The following PPP1R7 variants were observed in gnomAD, a reference collection of about 807,000 sequenced individuals.
PPP1R7 encodes the protein protein phosphatase 1 regulatory subunit 7.
A neutral mutation model predicts 45.2 loss-of-function variants in PPP1R7; 18 were observed. That is an observed-to-expected ratio of 0.40 (90% CI 0.28 to 0.59). The LOEUF (loss-of-function observed/expected upper bound fraction) is 0.59. PPP1R7 is among the 20% of genes least tolerant of loss of function. The pLI is 0.46. For missense variants in PPP1R7, 314 were observed against 455.8 expected (o/e 0.69, Z 2.83); for synonymous variants, 181 against 183.4 (o/e 0.99, Z 0.11).
rs991830916 is a variant in PPP1R7, at chr2:241,183,361, T to C, written c.*538T>C. 2.1e-6 allele frequency: 1 copy of C among 468,446 alleles called. No homozygotes were observed. The highest frequency in any genetic ancestry group is 2.0e-5 in the African/African-American group (1 of 49,894). 29.0% of individuals were successfully genotyped at this position (468,446 alleles called of 1,614,324 possible). A position where few individuals can be genotyped will look rare whatever the true frequency, so the allele number is the denominator to read the frequency against. On this transcript the variant is annotated 3_prime_UTR_variant, in exon 10 of 10. Coordinates refer to ENST00000234038, the MANE Select transcript of PPP1R7 (RefSeq NM_002712.3). ...CTGGGTAAAAGCTGACTCAGCCCTG[T>C]GTGCTTGTGTTCCTTAGAGCTCTCC...
chr2:241,171,300 G>T (rs2067812001), intron 9 of PPP1R7, among the ~76,000 whole-genome samples: 1 of 152,190 alleles, frequency 6.6e-6, no homozygotes, highest in African/African-American at 2.4e-5. Flanking sequence ...GAAGAATCCT[G>T]TTCCTTAGGC....
chr2:241,168,464 C>G (rs2067759030), intron 8 of PPP1R7, among the ~76,000 whole-genome samples: 1 of 152,206 alleles, frequency 6.6e-6, no homozygotes, highest in African/African-American at 2.4e-5. Flanking sequence ...GCTAGAGAGG[C>G]CTGTTCCAGC....
At chr2:241,165,864 T>C (rs1178442985) in intron 7 of PPP1R7, among the ~76,000 whole-genome samples, 1 of 151,910 alleles carries the variant, frequency 6.6e-6, no homozygotes, top group African/African-American at 2.4e-5. Context: ...CCCAAAGTGC[T>C]GGGATTACAG....
intron 3 of PPP1R7, 164 bp from the exon 4 acceptor site, chr2:241,158,320 C>G: frequency 1.6e-6 from 1 of 644,286 alleles, no homozygotes; most frequent in Non-Finnish European, 2.8e-6. Flanking sequence ...CATCACTAAG[C>G]CAAAGAGCCC....
At chr2:241,172,940 G>C (rs180886523) in intron 9 of PPP1R7, among the ~76,000 whole-genome samples, 1 of 150,844 alleles carries the variant, frequency 6.6e-6, no homozygotes, top group Admixed American at 6.6e-5. Flanking sequence ...TCATCCTCTG[G>C]TTTGCATTAT....
chr2:241,182,622 G>T lies in PPP1R7; in HGVS notation c.907-25G>T, dbSNP rs12465895. On this transcript the variant is annotated intron_variant, in intron 9 of 9. Coordinates refer to ENST00000234038, the MANE Select transcript of PPP1R7 (RefSeq NM_002712.3). ...AGGGCTGGGCTGTTTGGTTCTAAAG[G>T]CTTTTCTGCTGTGTGTGTCCCCAGA... 7.0e-4 allele frequency: 1,124 copies of T among 1,612,666 alleles called. 6 individuals are homozygous for T. In the African/African-American group the frequency reaches 0.013, roughly 19 times the overall value.
In PPP1R7 at chr2:241,183,023, T is replaced by C. The variant is rs2149075582; in HGVS notation, c.*200T>C. Reference sequence around the variant, plus strand: ...GTTGCAATTAAATCTTGCCACACTGTCCTCCTGGGTGATTGTTGACAGTTA... The same window carrying C: ...GTTGCAATTAAATCTTGCCACACTGCCCTCCTGGGTGATTGTTGACAGTTA... On this transcript the variant is annotated 3_prime_UTR_variant, in exon 10 of 10. Coordinates refer to ENST00000234038, the MANE Select transcript of PPP1R7 (RefSeq NM_002712.3). The C allele has an allele frequency of 3.3e-6, 2 of 606,232 alleles. No individual in the cohort carries two copies. The highest frequency in any genetic ancestry group is 2.8e-5 in the East Asian group (1 of 35,540). 37.6% of individuals were successfully genotyped at this position (606,232 alleles called of 1,614,324 possible).
At chr2:241,164,669 C>T (rs564927105) in intron 7 of PPP1R7, among the ~76,000 whole-genome samples, 76 of 152,182 alleles carry the variant, frequency 5.0e-4, no homozygotes, top group South Asian at 8.3e-4. Flanking sequence ...GAGATCTAGG[C>T]GGTCAGATCG....
At chr2:241,174,434 T>C (rs563561233) in intron 9 of PPP1R7, among the ~76,000 whole-genome samples, 1 of 152,230 alleles carries the variant, frequency 6.6e-6, no homozygotes, top group Admixed American at 6.5e-5. Flanking sequence ...TTTCCCTACA[T>C]AGCTCACTCC....
At chr2:241,151,810 G>A (rs776827522) in intron 1 of PPP1R7, among the ~76,000 whole-genome samples, 11 of 152,134 alleles carry the variant, frequency 7.2e-5, no homozygotes, top group Middle Eastern at 3.4e-3. Context: ...TCTCCGATAC[G>A]TCCTCCATTC....
At position 241,159,294 on chromosome 2, in the gene PPP1R7, G is replaced by T; in HGVS notation, c.385G>T (p.Asp129Tyr). The T allele has an allele frequency of 1.2e-6, 2 of 1,613,686 alleles. No individual in the cohort carries two copies. Among genetic ancestry groups the T allele is most frequent in the South Asian group, 2.2e-5 (2 of 91,038 alleles). Residue 129 changes from aspartate to tyrosine, a missense_variant, in exon 5 of 10, where the codon GAC (aspartate) becomes TAC (tyrosine). This residue lies in a region of PPP1R7 where 112 missense variants were observed against 144.5 expected (regional missense o/e 0.78). Coordinates refer to ENST00000234038, the MANE Select transcript of PPP1R7 (RefSeq NM_002712.3). Reference sequence around the variant, plus strand: ...GAGTCTTCGAGAGCTGGATCTTTACGACAACCAGATCAAGAAGATTGAGAA... The same window carrying T: ...GAGTCTTCGAGAGCTGGATCTTTACTACAACCAGATCAAGAAGATTGAGAA... ...LQSLRELDLY[D>Y]NQIKKIENLE...
Position 241,182,936 on chromosome 2 carries a change from A to C in PPP1R7, c.*113A>C. 2.4e-6 allele frequency: 3 copies of C among 1,255,816 alleles called. No homozygotes were observed. The highest frequency in any genetic ancestry group is 3.3e-6 in the Non-Finnish European group (3 of 917,982). 77.8% of individuals were successfully genotyped at this position (1,255,816 alleles called of 1,614,324 possible). On this transcript the variant is annotated 3_prime_UTR_variant, in exon 10 of 10. Coordinates refer to ENST00000234038, the MANE Select transcript of PPP1R7 (RefSeq NM_002712.3). ...CACTATATCAACAGTCACAAACCCA[A>C]TGGCAATAAAGGCACTGACGATAGC...
intron 9 of PPP1R7, among the ~76,000 whole-genome samples, chr2:241,179,930 C>T (rs370103086): frequency 4.1e-4 from 63 of 152,290 alleles, no homozygotes; most frequent in African/African-American, 1.5e-3. Context: ...TTACTAAGTC[C>T]TGGAGAAAAC....
At chr2:241,159,091 G>A (rs2067525927) in intron 4 of PPP1R7, 122 bp from the exon 5 acceptor site, 3 of 1,230,364 alleles carry the variant, frequency 2.4e-6, no homozygotes, top group Non-Finnish European at 3.4e-6. Context: ...CTAGGAAACA[G>A]CAGGAGAATG....
At chr2:241,182,339 A>G (rs1012983498) in intron 9 of PPP1R7, among the ~76,000 whole-genome samples, 9 of 152,352 alleles carry the variant, frequency 5.9e-5, no homozygotes, top group East Asian at 1.9e-4. Flanking sequence ...ACACTTGCCT[A>G]TGGACAAGTG....
chr2:241,166,537 T>G (rs1220953937), intron 8 of PPP1R7, 96 bp downstream of exon 8: 2 of 1,031,104 alleles, frequency 1.9e-6, no homozygotes, highest in Non-Finnish European at 3.0e-6. Context: ...CTCGGGCCGG[T>G]GTCAGGAAGA....
chr2:241,153,710 C>T (rs1057320166), intron 2 of PPP1R7, 106 bp downstream of exon 2: 4 of 1,439,824 alleles, frequency 2.8e-6, no homozygotes, highest in Non-Finnish European at 3.7e-6. Flanking sequence ...TGGAGAAGGA[C>T]TGCCGTGCTC....
At chr2:241,153,025 T>C (rs943524011) in intron 1 of PPP1R7, among the ~76,000 whole-genome samples, 1 of 152,158 alleles carries the variant, frequency 6.6e-6, no homozygotes, top group African/African-American at 2.4e-5. Flanking sequence ...TTTCAGAACG[T>C]GGGCCTGTGA....
intron 8 of PPP1R7, among the ~76,000 whole-genome samples, chr2:241,168,814 G>T (rs1274789801): frequency 6.6e-6 from 1 of 152,212 alleles, no homozygotes; most frequent in Non-Finnish European, 1.5e-5. Flanking sequence ...GCTACTGGCT[G>T]GGTACATTTC....
Sources: allele counts gnomAD v4.1 joint callset (sites outside exome capture counted in the v4.1 genomes callset), GRCh38; gene constraint gnomAD v4.1.1; regional missense constraint gnomAD v4.1.1; transcripts MANE v1.5; gene names NCBI Gene and HGNC (gene_info 2026-07-23, HGNC 2026-07-21).